KCNT2: variants seen among roughly 807,000 people sequenced by gnomAD.
The protein encoded by KCNT2 is potassium channel subfamily T member 2.
Under a neutral mutation model 153.8 loss-of-function variants are expected in KCNT2, and 67 were observed. That is an observed-to-expected ratio of 0.44 (90% CI 0.36 to 0.53). The LOEUF (loss-of-function observed/expected upper bound fraction) is 0.53. Among genes scored for constraint, KCNT2 ranks in the 20% least tolerant of loss-of-function variants. The probability of loss-of-function intolerance (pLI) is 0.00; values close to 1 mark genes in which losing one functional copy is unlikely to be tolerated. For missense variants in KCNT2, 975 were observed against 1,354.8 expected (o/e 0.72, Z 4.40); for synonymous variants, 500 against 458.8 (o/e 1.09, Z -1.15).
intron 22 of KCNT2, among the ~76,000 whole-genome samples, chr1:196,293,743 G>A (rs1467102796): frequency 6.6e-6 from 1 of 151,364 alleles, no homozygotes; most frequent in Non-Finnish European, 1.5e-5. Context: ...CATAAAGGAA[G>A]TATTCCACAA....
At chr1:196,409,346 G>T (rs1672096549) in intron 12 of KCNT2, among the ~76,000 whole-genome samples, 1 of 150,802 alleles carries the variant, frequency 6.6e-6, no homozygotes, top group Admixed American at 6.6e-5. Flanking sequence ...GCCACCCTAA[G>T]GTTTACAACA....
Position 196,431,501 on chromosome 1 carries a change from C to T in KCNT2, c.639-1744G>A, listed in dbSNP as rs551075723. Among the ~76,000 whole-genome samples the T allele has an allele frequency of 5.9e-5, 9 of 152,128 alleles. 1 individual carries two copies. The highest frequency in any genetic ancestry group is 2.2e-4 in the African/African-American group (9 of 41,548). On this transcript the variant is annotated intron_variant, in intron 8 of 27. Coordinates refer to ENST00000294725, the MANE Select transcript of KCNT2 (RefSeq NM_198503.5). ...ATATTGGGGGAAATACCGACGGTAA[C>T]GGCCTTTCTGATGAGTTCTTAGACA...
chr1:196,254,786 G>A (rs1317901065), intron 26 of KCNT2, among the ~76,000 whole-genome samples: 1 of 151,516 alleles, frequency 6.6e-6, no homozygotes, highest in Non-Finnish European at 1.5e-5. Context: ...AAGTCACCAT[G>A]TTAGCTATAA....
At chr1:196,511,424 C>A (rs1251312926) in intron 1 of KCNT2, among the ~76,000 whole-genome samples, 2 of 152,144 alleles carry the variant, frequency 1.3e-5, no homozygotes, top group African/African-American at 2.4e-5. Flanking sequence ...ATTGCATGAA[C>A]TAAGAAAATT....
At chr1:196,291,397 T>C (rs900538834) in intron 22 of KCNT2, among the ~76,000 whole-genome samples, 5 of 151,920 alleles carry the variant, frequency 3.3e-5, no homozygotes, top group African/African-American at 1.2e-4. Flanking sequence ...TTTAAAGTTA[T>C]GTAAAAAGTA....
At chr1:196,532,302 G>C (rs4658037) in intron 1 of KCNT2, among the ~76,000 whole-genome samples, 149,477 of 152,056 alleles carry the variant, frequency 0.98, 73,513 homozygotes, top group Middle Eastern at 1. Flanking sequence ...GGAAAAAGTA[G>C]GTGATATTTA....
At chr1:196,345,578 T>C (rs1666072765) in intron 14 of KCNT2, among the ~76,000 whole-genome samples, 1 of 152,170 alleles carries the variant, frequency 6.6e-6, no homozygotes, top group African/African-American at 2.4e-5. Flanking sequence ...TTGGAGATTT[T>C]TGAAGACTAG....
rs575901258 is a variant in KCNT2, at chr1:196,534,769, A to G, written c.96-42428T>C. Reference sequence around the variant, plus strand: ...ATAGATCGTAAAATCCACCCAAGAAAAAGCAGGTCACTTTGTGGAACTTCG... The same window carrying G: ...ATAGATCGTAAAATCCACCCAAGAAGAAGCAGGTCACTTTGTGGAACTTCG... On this transcript the variant is annotated intron_variant, in intron 1 of 27. Transcript: ENST00000294725. 9.8e-4 allele frequency among the ~76,000 whole-genome samples: 149 copies of G among 152,310 alleles called. 2 individuals carry two copies. Among genetic ancestry groups the G allele is most frequent in the African/African-American group, 2.1e-3 (86 of 41,568 alleles).
At chr1:196,325,357 C>T (rs892386250) in intron 19 of KCNT2, among the ~76,000 whole-genome samples, 1 of 152,084 alleles carries the variant, frequency 6.6e-6, no homozygotes, top group Non-Finnish European at 1.5e-5. Context: ...TCTAAGGCAA[C>T]GTTTGCAAAT....
intron 1 of KCNT2, among the ~76,000 whole-genome samples, chr1:196,518,404 T>C (rs1276195425): frequency 6.6e-6 from 1 of 150,622 alleles, no homozygotes; most frequent in East Asian, 2.0e-4. Context: ...CAAATCCACA[T>C]GTATCAATAC....
intron 15 of KCNT2, 92 bp downstream of exon 15, chr1:196,341,987 G>T: frequency 1.5e-6 from 2 of 1,329,454 alleles, no homozygotes; most frequent in South Asian, 1.5e-5. Context: ...CTAAACACAT[G>T]AACACAATAT....
chr1:196,513,845 A>C (rs1681838034), intron 1 of KCNT2, among the ~76,000 whole-genome samples: 1 of 152,230 alleles, frequency 6.6e-6, no homozygotes, highest in Admixed American at 6.5e-5. Context: ...GAGGTATGAA[A>C]AGAGGAAATA....
At chr1:196,501,882 G>T (rs906765379) in intron 1 of KCNT2, among the ~76,000 whole-genome samples, 19 of 152,186 alleles carry the variant, frequency 1.2e-4, no homozygotes, top group Admixed American at 6.5e-5. Flanking sequence ...ACTTTGGGAG[G>T]CCAAGGCAGG....
At chr1:196,529,441 C>T (rs931330087) in intron 1 of KCNT2, among the ~76,000 whole-genome samples, 2 of 152,070 alleles carry the variant, frequency 1.3e-5, no homozygotes, top group African/African-American at 4.8e-5. Flanking sequence ...GGAAAAGGTA[C>T]AAATGTGGAT....
At chr1:196,578,679 C>A (rs1661661621) in intron 1 of KCNT2, among the ~76,000 whole-genome samples, 2 of 152,056 alleles carry the variant, frequency 1.3e-5, no homozygotes, top group Non-Finnish European at 2.9e-5. Context: ...GAATTCAAAT[C>A]TAGAGGGACT....
intron 1 of KCNT2, among the ~76,000 whole-genome samples, chr1:196,523,623 AAGAG>A (rs764302990): frequency 6.6e-6 from 1 of 152,206 alleles, no homozygotes; most frequent in South Asian, 2.1e-4. Context: ...TCCAGAAAGA[AAGAG>A]AGTCTAGACC....
intron 26 of KCNT2, among the ~76,000 whole-genome samples, chr1:196,256,770 T>C (rs951374466): frequency 6.6e-6 from 1 of 151,242 alleles, no homozygotes; most frequent in Non-Finnish European, 1.5e-5. Context: ...AGTGTTAGTG[T>C]CAGAAGCGTT....
intron 12 of KCNT2, among the ~76,000 whole-genome samples, chr1:196,404,890 TA>T (rs1017260549): frequency 2.0e-5 from 3 of 151,630 alleles, no homozygotes; most frequent in African/African-American, 7.3e-5. Context: ...TGTGATAATA[TA>T]AAGAGAATTA....
chr1:196,344,349 C>G (rs1024481786), intron 14 of KCNT2, among the ~76,000 whole-genome samples: 3 of 152,130 alleles, frequency 2.0e-5, no homozygotes, highest in Admixed American at 1.3e-4. Context: ...TGTGCCCATT[C>G]TTCCATAATG....
Sources: gnomAD v4.1 joint callset for allele counts (sites outside exome capture counted in the v4.1 genomes callset) on GRCh38, gnomAD v4.1.1 for gene constraint, MANE v1.5 for transcripts, NCBI Gene and HGNC (gene_info 2026-07-23, HGNC 2026-07-21) for gene names.